Variants in TUBGCP3 observed in about 807,000 individuals in gnomAD.
The protein encoded by TUBGCP3 is gamma-tubulin complex component 3.
Under a neutral mutation model 123.1 loss-of-function variants are expected in TUBGCP3, and 50 were observed. The observed-to-expected ratio is 0.41, with a 90% CI of 0.32 to 0.51. The LOEUF is 0.51. TUBGCP3 is among the 20% of genes least tolerant of loss of function. The pLI, the probability that TUBGCP3 is intolerant of heterozygous loss-of-function variation, is 0.36. For synonymous variants in TUBGCP3, 405 were observed against 413.9 expected (o/e 0.98, Z 0.26); for missense variants, 882 against 1,127.0 (o/e 0.78, Z 3.11).
At chr13:112,496,964 C>A (rs544952155) in intron 20 of TUBGCP3, among the ~76,000 whole-genome samples, 4 of 143,632 alleles carry the variant, frequency 2.8e-5, no homozygotes, top group African/African-American at 1.1e-4. Context: ...CCAGCCTGGG[C>A]GACAAAGTGA....
At chr13:112,575,478 A>C (rs1435591460) in intron 1 of TUBGCP3, among the ~76,000 whole-genome samples, 2 of 152,214 alleles carry the variant, frequency 1.3e-5, no homozygotes, top group Non-Finnish European at 2.9e-5. Flanking sequence ...ATAGAACTGA[A>C]AGGAAAAACA....
intron 20 of TUBGCP3, among the ~76,000 whole-genome samples, chr13:112,498,423 T>A (rs1259957592): frequency 6.6e-6 from 1 of 152,244 alleles, no homozygotes; most frequent in African/African-American, 2.4e-5. Context: ...ATATTTTTTA[T>A]AATTTTCTGC....
chr13:112,593,657 A>G, the TUBGCP3 span, among the ~76,000 whole-genome samples: 6 of 152,158 alleles, frequency 3.9e-5, no homozygotes, highest in African/African-American at 1.4e-4. Context: ...TGGGTGACAG[A>G]GCAAGACTCC....
intron 20 of TUBGCP3, among the ~76,000 whole-genome samples, chr13:112,491,363 G>A (rs1199110583): frequency 6.6e-6 from 1 of 151,876 alleles, no homozygotes; most frequent in Non-Finnish European, 1.5e-5. Context: ...CATGTGCTTT[G>A]ACCCATTTCT....
chr13:112,522,394 G>T lies in TUBGCP3; in HGVS notation c.1671C>A (p.Asp557Glu). 6.2e-7 allele frequency: 1 copy of T among 1,614,056 alleles called. No homozygotes were observed. The highest frequency in any genetic ancestry group is 8.5e-7 in the Non-Finnish European group (1 of 1,179,948). The change falls in exon 14 of 22, where the codon GAC (aspartate) becomes GAA (glutamate). Residue 557 changes from aspartate to glutamate, a missense_variant. Asp to Glu is a conservative substitution (Grantham distance 45). This residue lies in a region of TUBGCP3 where 713 missense variants were observed against 874.0 expected (regional missense o/e 0.82). Transcript: ENST00000261965. ...GGTACCGCCTCATTGCCTGCATGTG[G>T]TCCAGCAAGCTGTACTTTTTATTGA... Reference protein sequence around the residue: ...DVLNKKYSLLDHMQAMRRYLL... With the variant: ...DVLNKKYSLLEHMQAMRRYLL...
chr13:112,576,035 G>T (rs1311625211), intron 1 of TUBGCP3, among the ~76,000 whole-genome samples: 7 of 152,230 alleles, frequency 4.6e-5, no homozygotes, highest in Non-Finnish European at 7.3e-5. Context: ...AGCAGTCATA[G>T]GAAAATTACG....
intron 20 of TUBGCP3, among the ~76,000 whole-genome samples, chr13:112,490,024 A>ATCCTTCC (rs1227398684): frequency 6.6e-6 from 1 of 152,094 alleles, no homozygotes; most frequent in Non-Finnish European, 1.5e-5. Flanking sequence ...CTCGTGCTGT[A>ATCCTTCC]CACGTTTTTA....
chr13:112,574,158 C>T (rs1881629502), intron 1 of TUBGCP3, among the ~76,000 whole-genome samples: 1 of 146,924 alleles, frequency 6.8e-6, no homozygotes, highest in Non-Finnish European at 1.5e-5. Flanking sequence ...TGTGGCTTCC[C>T]CCTGCCCAAT....
In TUBGCP3 at chr13:112,501,666, GTTTA is replaced by G. The variant is rs34869743; in HGVS notation, c.2307+2362_2307+2365del. Reference sequence around the variant, plus strand: ...TGTTTTAATCTGCTTTACATACTGGGTTTATTTATTTTTTTTTAAAGCTCATTTT... The same window carrying G: ...TGTTTTAATCTGCTTTACATACTGGGTTTATTTTTTTTTAAAGCTCATTTT... On this transcript the variant is annotated intron_variant, in intron 19 of 21. Transcript: ENST00000261965. 6.4e-3 allele frequency among the ~76,000 whole-genome samples: 968 copies of G among 152,188 alleles called. 6 individuals carry two copies. The highest frequency in any genetic ancestry group is 0.022 in the African/African-American group (923 of 41,492).
chr13:112,556,831 G>GA (rs1378051381), intron 5 of TUBGCP3, among the ~76,000 whole-genome samples: 1 of 152,196 alleles, frequency 6.6e-6, no homozygotes, highest in Non-Finnish European at 1.5e-5. Flanking sequence ...TGTCAAAGTT[G>GA]TTTTTTGAAA....
At chr13:112,578,942 G>T in intron 1 of TUBGCP3, among the ~76,000 whole-genome samples, 1 of 152,144 alleles carries the variant, frequency 6.6e-6, no homozygotes, top group East Asian at 1.9e-4. Context: ...AGAAATCTTT[G>T]CAACTTTGAG....
intron 1 of TUBGCP3, among the ~76,000 whole-genome samples, chr13:112,577,782 C>G (rs1003541689): frequency 6.6e-6 from 1 of 152,146 alleles, no homozygotes; most frequent in Admixed American, 6.5e-5. Context: ...AATGCCAAGA[C>G]TCACTTTTCA....
intron 21 of TUBGCP3, among the ~76,000 whole-genome samples, chr13:112,487,651 G>A (rs1012565418): frequency 3.3e-5 from 5 of 152,166 alleles, no homozygotes; most frequent in African/African-American, 1.2e-4. Context: ...AATAACATGA[G>A]TTCAAGAAGG....
intron 17 of TUBGCP3, among the ~76,000 whole-genome samples, chr13:112,513,321 A>G (rs1450354656): frequency 6.6e-6 from 1 of 152,234 alleles, no homozygotes; most frequent in Non-Finnish European, 1.5e-5. Context: ...ATACATAAAA[A>G]GCTGCTACCA....
intron 8 of TUBGCP3, among the ~76,000 whole-genome samples, chr13:112,552,594 C>T (rs528221751): frequency 5.9e-5 from 9 of 152,202 alleles, no homozygotes; most frequent in African/African-American, 9.7e-5. Flanking sequence ...TAATCACTAC[C>T]CCACTCTATG....
At chr13:112,557,341 T>C (rs183415325) in intron 5 of TUBGCP3, among the ~76,000 whole-genome samples, 19 of 152,238 alleles carry the variant, frequency 1.2e-4, no homozygotes, top group Non-Finnish European at 2.6e-4. Flanking sequence ...GTAATCCATA[T>C]GTATAGAACA....
intron 20 of TUBGCP3, among the ~76,000 whole-genome samples, chr13:112,498,579 T>C (rs1387106017): frequency 1.3e-5 from 2 of 152,344 alleles, no homozygotes; most frequent in East Asian, 3.9e-4. Flanking sequence ...GGATGCTCCA[T>C]CTATATTATA....
At chr13:112,580,784 G>C (rs1244638843) in intron 1 of TUBGCP3, among the ~76,000 whole-genome samples, 2 of 152,234 alleles carry the variant, frequency 1.3e-5, no homozygotes, top group East Asian at 1.9e-4. Context: ...AAGAGTTCAG[G>C]AATAGAAGCG....
chr13:112,508,723 C>G lies in TUBGCP3; in HGVS notation c.2087-4009G>C, dbSNP rs186130059. Among the ~76,000 whole-genome samples the G allele has an allele frequency of 7.4e-4, 112 of 152,288 alleles. 1 individual carries two copies. The highest frequency in any genetic ancestry group is 2.3e-3 in the African/African-American group (97 of 41,558). On this transcript the variant is annotated intron_variant, in intron 17 of 21. Coordinates refer to ENST00000261965, the MANE Select transcript of TUBGCP3 (RefSeq NM_006322.6). The surrounding 1 kb of genome is among the most constrained non-coding windows in gnomAD (Gnocchi z 4.2). ...TATTTGAATGGAATCACTATCCCCC[C>G]CAAAGAAGCTCTTCCTCCAGTGCTC...
Sources: allele counts gnomAD v4.1 joint callset (sites outside exome capture counted in the v4.1 genomes callset), GRCh38; gene constraint gnomAD v4.1.1; regional missense constraint gnomAD v4.1.1; non-coding constraint Gnocchi (gnomAD v3.1); transcripts MANE v1.5; gene names NCBI Gene and HGNC (gene_info 2026-07-23, HGNC 2026-07-21).